The following KCNH1 variants were observed in gnomAD, a reference collection of about 807,000 sequenced individuals.
KCNH1 encodes the protein voltage-gated delayed rectifier potassium channel KCNH1.
Under a neutral mutation model 69.2 loss-of-function variants are expected in KCNH1, and 27 were observed. The ratio of observed to expected loss-of-function variants is 0.39; its 90% CI spans 0.29 to 0.54. The LOEUF (loss-of-function observed/expected upper bound fraction) is 0.54. KCNH1 is among the 20% of genes least tolerant of loss of function. KCNH1 has a pLI of 0.68. For missense variants in KCNH1, 798 were observed against 1,261.6 expected (o/e 0.63, Z 5.57); for synonymous variants, 456 against 487.7 (o/e 0.93, Z 0.86).
intron 7 of KCNH1, among the ~76,000 whole-genome samples, chr1:210,874,380 C>G (rs2102499133): frequency 6.6e-6 from 1 of 152,322 alleles, no homozygotes; most frequent in East Asian, 1.9e-4. Context: ...CTGAAAGCAT[C>G]CTGATACTAT....
At chr1:210,970,919 A>G (rs1027111551) in intron 6 of KCNH1, among the ~76,000 whole-genome samples, 18 of 152,170 alleles carry the variant, frequency 1.2e-4, no homozygotes, top group African/African-American at 4.3e-4. Context: ...AGAATTTACA[A>G]GGAACTTAAA....
chr1:210,963,987 T>C (rs1298511731), intron 6 of KCNH1, among the ~76,000 whole-genome samples: 1 of 152,040 alleles, frequency 6.6e-6, no homozygotes, highest in Admixed American at 6.6e-5. Flanking sequence ...AGACACATAA[T>C]TGTCAGATTC....
chr1:210,837,852 A>G (rs2102449021), intron 7 of KCNH1, among the ~76,000 whole-genome samples: 1 of 152,342 alleles, frequency 6.6e-6, no homozygotes, highest in East Asian at 1.9e-4. Context: ...AAGCATTCAG[A>G]AAAGTGTCTG....
chr1:210,890,399 A>C (rs1342172532), intron 7 of KCNH1, among the ~76,000 whole-genome samples: 3 of 152,134 alleles, frequency 2.0e-5, no homozygotes, highest in Non-Finnish European at 2.9e-5. Flanking sequence ...TAATTCCAGA[A>C]GGATTAAAGA....
intron 10 of KCNH1, among the ~76,000 whole-genome samples, chr1:210,735,804 C>T (rs891800818): frequency 3.4e-5 from 5 of 147,410 alleles, no homozygotes; most frequent in Admixed American, 6.8e-5. Flanking sequence ...CACAGACACA[C>T]ACACACACAC....
At chr1:210,879,714 T>C (rs1434647646) in intron 7 of KCNH1, among the ~76,000 whole-genome samples, 1 of 152,232 alleles carries the variant, frequency 6.6e-6, no homozygotes, top group East Asian at 1.9e-4. Context: ...AGTATGTCTC[T>C]TCTCGCTACT....
At chr1:210,915,401 A>AT (rs1441005680) in intron 7 of KCNH1, among the ~76,000 whole-genome samples, 1 of 152,174 alleles carries the variant, frequency 6.6e-6, no homozygotes, top group East Asian at 1.9e-4. Flanking sequence ...CCTCTCCTAG[A>AT]TGTCACACAG....
chr1:211,068,525 A>T (rs890475355), intron 5 of KCNH1, among the ~76,000 whole-genome samples: 1 of 152,126 alleles, frequency 6.6e-6, no homozygotes, highest in African/African-American at 2.4e-5. Flanking sequence ...CCTGCTGAGC[A>T]GCTAGGACTA....
chr1:210,871,882 T>C (rs1686256267), intron 7 of KCNH1, among the ~76,000 whole-genome samples: 1 of 112,974 alleles, frequency 8.9e-6, no homozygotes, highest in African/African-American at 3.5e-5. Flanking sequence ...AAGGGGAACA[T>C]CACACTCTGG....
chr1:210,787,979 C>T (rs1233747318), intron 9 of KCNH1, among the ~76,000 whole-genome samples: 3 of 152,166 alleles, frequency 2.0e-5, no homozygotes, highest in Non-Finnish European at 4.4e-5. Flanking sequence ...GGTTTGGAAA[C>T]TTCATGACAA....
At chr1:210,993,040 C>T (rs562850863) in intron 6 of KCNH1, among the ~76,000 whole-genome samples, 2 of 152,284 alleles carry the variant, frequency 1.3e-5, no homozygotes, top group South Asian at 4.1e-4. Flanking sequence ...CCACCCACAT[C>T]GCTGTGATCT....
At chr1:210,884,842 C>CT (rs1686569123) in intron 7 of KCNH1, among the ~76,000 whole-genome samples, 1 of 152,256 alleles carries the variant, frequency 6.6e-6, no homozygotes, top group Admixed American at 6.5e-5. Context: ...ATTCAGAAGA[C>CT]TGTCTTCCAT....
At chr1:211,102,928 A>G (rs1157808700) in intron 3 of KCNH1, among the ~76,000 whole-genome samples, 1 of 152,256 alleles carries the variant, frequency 6.6e-6, no homozygotes. Flanking sequence ...TCCAACAGGA[A>G]ACCTCCTAAG....
intron 1 of KCNH1, among the ~76,000 whole-genome samples, chr1:211,109,254 G>A (rs1189789429): frequency 1.3e-5 from 2 of 152,208 alleles, no homozygotes; most frequent in African/African-American, 2.4e-5. Flanking sequence ...ATGGAACACA[G>A]TGCAGGCTAG....
intron 10 of KCNH1, among the ~76,000 whole-genome samples, chr1:210,705,576 C>T (rs1681888143): frequency 6.6e-6 from 1 of 152,046 alleles, no homozygotes; most frequent in African/African-American, 2.4e-5. Flanking sequence ...GTTTCCATAG[C>T]CAAAAAAGAA....
At chr1:210,848,263 G>T (rs1685604515) in intron 7 of KCNH1, among the ~76,000 whole-genome samples, 1 of 152,110 alleles carries the variant, frequency 6.6e-6, no homozygotes, top group Non-Finnish European at 1.5e-5. Flanking sequence ...TTACAATTTA[G>T]AAAATGATTT....
chr1:210,974,296 CT>C, intron 6 of KCNH1, among the ~76,000 whole-genome samples: 1 of 151,800 alleles, frequency 6.6e-6, no homozygotes, highest in Non-Finnish European at 1.5e-5. Context: ...TGGATTTTTT[CT>C]TTTATCATAT....
chr1:210,783,385 G>A (rs1398692637), intron 9 of KCNH1, among the ~76,000 whole-genome samples: 1 of 152,180 alleles, frequency 6.6e-6, no homozygotes, highest in Non-Finnish European at 1.5e-5. Context: ...TGATGGCTTA[G>A]GTAGGTTTCC....
At chr1:210,822,468 G>A (rs756802783) in intron 7 of KCNH1, among the ~76,000 whole-genome samples, 5 of 152,022 alleles carry the variant, frequency 3.3e-5, no homozygotes, top group Admixed American at 1.3e-4. Context: ...AATTTATACC[G>A]ACTCAATTAT....
Sources: gnomAD v4.1 joint callset for allele counts (sites outside exome capture counted in the v4.1 genomes callset) on GRCh38, gnomAD v4.1.1 for gene constraint, MANE v1.5 for transcripts, NCBI Gene and HGNC (gene_info 2026-07-23, HGNC 2026-07-21) for gene names.